Variants in CNBD1 observed in about 807,000 individuals in gnomAD.
CNBD1 encodes cyclic nucleotide-binding domain-containing protein 1.
A neutral mutation model predicts 54.4 loss-of-function variants in CNBD1; 71 were observed. The ratio of observed to expected loss-of-function variants is 1.30; its 90% CI spans 1.08 to 1.59. The LOEUF is 1.59. CNBD1 is among the 40% of genes most tolerant of loss of function. CNBD1 has a pLI of 0.00. For missense variants in CNBD1, 659 were observed against 518.0 expected (o/e 1.27, Z -2.64); for synonymous variants, 182 against 170.7 (o/e 1.07, Z -0.51).
rs1174273503 is a variant in CNBD1 at position 87,256,004 on chromosome 8, TATATATATA to T, written c.771+18893_771+18901del. On this transcript the variant is annotated intron_variant, in intron 6 of 10. Transcript: ENST00000518476. ...ATATATATATATATATATATATATA[TATATATATA>T]TATTTTTTTTTTTTTTTTTTTTTTT... is the stretch of plus-strand genomic sequence containing the variant. Among the ~76,000 whole-genome samples the T allele has an allele frequency of 3.9e-3, 74 of 19,134 alleles. 2 individuals are homozygous for T. Among genetic ancestry groups the T allele is most frequent in the African/African-American group, 0.015 (61 of 4,014 alleles). The allele number at this position is 19,134 out of a possible 152,430, so 12.6% of individuals were successfully genotyped here. A position where few individuals can be genotyped will look rare whatever the true frequency, so the allele number is the denominator to read the frequency against.
intron 2 of CNBD1, among the ~76,000 whole-genome samples, chr8:87,424,077 G>T (rs1002627226): frequency 5.9e-5 from 9 of 152,294 alleles, no homozygotes; most frequent in Admixed American, 5.9e-4. Context: ...AGTGTTTGTA[G>T]TATTCTCTGA....
chr8:87,340,897 G>A (rs1418143754), intron 8 of CNBD1, among the ~76,000 whole-genome samples: 1 of 151,826 alleles, frequency 6.6e-6, no homozygotes, highest in Non-Finnish European at 1.5e-5. Context: ...GTCAGTTTCT[G>A]AAGTTTTATT....
intron 4 of CNBD1, among the ~76,000 whole-genome samples, chr8:87,109,540 CTTT>C (rs35541466): frequency 4.6e-5 from 5 of 107,950 alleles, no homozygotes; most frequent in Non-Finnish European, 4.1e-5. Flanking sequence ...TTCTTTCTTT[CTTT>C]TTTTTTTTTT....
chr8:86,960,461 T>C (rs1345421765), intron 4 of CNBD1, among the ~76,000 whole-genome samples: 1 of 151,938 alleles, frequency 6.6e-6, no homozygotes, highest in African/African-American at 2.4e-5. Context: ...CACTGAGGCT[T>C]GAGTAGGTAA....
intron 4 of CNBD1, among the ~76,000 whole-genome samples, chr8:87,185,723 C>T (rs1237391993): frequency 2.0e-5 from 3 of 152,136 alleles, no homozygotes; most frequent in African/African-American, 7.2e-5. Context: ...ATGATAGTTT[C>T]TTCACATGTG....
At chr8:87,367,560 G>A (rs75978755) in intron 10 of CNBD1, among the ~76,000 whole-genome samples, 6,650 of 152,128 alleles carry the variant, frequency 0.044, 189 homozygotes, top group Non-Finnish European at 0.06. Flanking sequence ...GTTGTTATGA[G>A]ATGTACTGCC....
chr8:87,120,440 T>C (rs1223608067), intron 4 of CNBD1, among the ~76,000 whole-genome samples: 1 of 152,016 alleles, frequency 6.6e-6, no homozygotes, highest in African/African-American at 2.4e-5. Flanking sequence ...TTTCTGATAT[T>C]GTTTATTTGC....
chr8:87,004,635 G>T (rs1186923984), intron 4 of CNBD1, among the ~76,000 whole-genome samples: 1 of 151,516 alleles, frequency 6.6e-6, no homozygotes, highest in African/African-American at 2.4e-5. Flanking sequence ...ACAATACTGA[G>T]AATCAATCCA....
chr8:87,321,733 T>G (rs985597331), intron 8 of CNBD1, among the ~76,000 whole-genome samples: 2 of 152,098 alleles, frequency 1.3e-5, no homozygotes, highest in Admixed American at 6.6e-5. Flanking sequence ...TTTGTGCCTG[T>G]GCTTTTGGTG....
chr8:87,418,851 A>C (rs1807879426), intron 2 of CNBD1, among the ~76,000 whole-genome samples: 1 of 151,940 alleles, frequency 6.6e-6, no homozygotes, highest in African/African-American at 2.4e-5. Flanking sequence ...TACATAGCTG[A>C]TGAAAGTGTA....
chr8:87,233,387 T>G (rs1203117201), intron 5 of CNBD1, among the ~76,000 whole-genome samples: 2 of 152,206 alleles, frequency 1.3e-5, no homozygotes, highest in African/African-American at 4.8e-5. Context: ...CACACAGATT[T>G]TTTGGTTTCC....
intron 10 of CNBD1, among the ~76,000 whole-genome samples, chr8:87,363,985 C>T (rs62526814): frequency 0.044 from 6,510 of 149,144 alleles, 187 homozygotes; most frequent in Non-Finnish European, 0.06. Flanking sequence ...TTTTTTTAAA[C>T]GAATGAAAAA....
At chr8:86,876,798 G>T (rs1259324988) in intron 1 of CNBD1, among the ~76,000 whole-genome samples, 1 of 151,634 alleles carries the variant, frequency 6.6e-6, no homozygotes, top group Non-Finnish European at 1.5e-5. Context: ...AATAAAATTT[G>T]GTACATGATT....
At chr8:86,920,044 T>C (rs988960923) in intron 3 of CNBD1, among the ~76,000 whole-genome samples, 6 of 152,158 alleles carry the variant, frequency 3.9e-5, no homozygotes, top group African/African-American at 7.2e-5. Flanking sequence ...AACTTTTCTA[T>C]TGGGAAAAGT....
rs1184142566 is a variant in CNBD1 at position 87,379,051 on chromosome 8, G to T, written c.1304-3569G>T. On this transcript the variant is annotated intron_variant, in intron 10 of 10. Transcript: ENST00000518476. ...GTTGCTTATCAGCTTAAGGAGATTT[G>T]GGGCTGAGACAATGGGGTTTTCTAG... is the stretch of plus-strand genomic sequence containing the variant. 2.9e-4 allele frequency among the ~76,000 whole-genome samples: 44 copies of T among 150,736 alleles called. 1 individual carries two copies. Among genetic ancestry groups the T allele is most frequent in the Middle Eastern group, 3.4e-3 (1 of 294 alleles).
At chr8:87,037,856 C>T (rs2130604718) in intron 4 of CNBD1, among the ~76,000 whole-genome samples, 1 of 152,210 alleles carries the variant, frequency 6.6e-6, no homozygotes, top group African/African-American at 2.4e-5. Context: ...AAGAGTGAGA[C>T]AATAAAATGT....
intron 2 of CNBD1, among the ~76,000 whole-genome samples, chr8:86,889,433 T>C (rs1205989857): frequency 6.6e-6 from 1 of 152,160 alleles, no homozygotes; most frequent in African/African-American, 2.4e-5. Flanking sequence ...TATTTCTCCA[T>C]ATTATTAGTT....
At chr8:87,141,742 A>G (rs1300801275) in intron 4 of CNBD1, among the ~76,000 whole-genome samples, 1 of 152,128 alleles carries the variant, frequency 6.6e-6, no homozygotes, top group African/African-American at 2.4e-5. Context: ...TGGACAGGAT[A>G]AATTAGAAAA....
chr8:86,912,639 G>A (rs1008238998), intron 3 of CNBD1, among the ~76,000 whole-genome samples: 37 of 152,026 alleles, frequency 2.4e-4, no homozygotes, highest in African/African-American at 8.9e-4. Context: ...GATGACTAAA[G>A]ACTATATTAT....
Sources: gnomAD v4.1 joint callset for allele counts (sites outside exome capture counted in the v4.1 genomes callset) on GRCh38, gnomAD v4.1.1 for gene constraint, MANE v1.5 for transcripts, NCBI Gene and HGNC (gene_info 2026-07-23, HGNC 2026-07-21) for gene names.